The following RMI1 variants were observed in gnomAD, a reference collection of about 807,000 sequenced individuals.
The protein encoded by RMI1 is RecQ mediated genome instability 1.
Under a neutral mutation model 46.7 loss-of-function variants are expected in RMI1, and 36 were observed. The observed-to-expected ratio is 0.77, with a 90% CI of 0.59 to 1.02. RMI1 has a LOEUF of 1.02. Ranked by LOEUF, RMI1 falls within the 50% of genes least tolerant of loss-of-function variation. The pLI is 0.00. For missense variants in RMI1, 676 were observed against 713.7 expected (o/e 0.95, Z 0.60); for synonymous variants, 250 against 252.9 (o/e 0.99, Z 0.11).
chr9:84,001,203 A>C lies in RMI1; in HGVS notation c.217A>C (p.Ile73Leu). 6.2e-7 allele frequency: 1 copy of C among 1,614,148 alleles called. No individual in the cohort carries two copies. The highest frequency in any genetic ancestry group is 8.5e-7 in the Non-Finnish European group (1 of 1,179,988). ...DLEHPLLPDG[I>L]LEIPKGELNG... Reference sequence around the variant, plus strand: ...GGAGCATCCTCTTTTACCCGATGGCATTTTAGAAATTCCAAAAGGAGAATT... The same window carrying C: ...GGAGCATCCTCTTTTACCCGATGGCCTTTTAGAAATTCCAAAAGGAGAATT... Residue 73 changes from isoleucine (I) to leucine (L), a missense_variant, in exon 3 of 3, where the codon ATT becomes CTT. Transcript: ENST00000445877.
intron 1 of RMI1, among the ~76,000 whole-genome samples, chr9:83,995,602 A>G (rs1957639317): frequency 6.6e-6 from 1 of 151,518 alleles, no homozygotes; most frequent in South Asian, 2.1e-4. Context: ...TAATTTTTGT[A>G]TTTTTGGTAG....
intron 1 of RMI1, among the ~76,000 whole-genome samples, chr9:83,993,718 A>G (rs958328038): frequency 6.6e-6 from 1 of 151,922 alleles, no homozygotes; most frequent in African/African-American, 2.4e-5. Context: ...TTTGATTTGT[A>G]TTTCTTTTAT....
chr9:83,986,832 T>C (rs1957497430), intron 1 of RMI1, among the ~76,000 whole-genome samples: 1 of 152,260 alleles, frequency 6.6e-6, no homozygotes, highest in African/African-American at 2.4e-5. Flanking sequence ...ATCAGTCTTC[T>C]TTTCTTACTG....
Position 84,001,552 on chromosome 9 carries a change from T to C in RMI1, c.566T>C (p.Val189Ala), listed in dbSNP as rs1437248542. Residue 189 changes from valine to alanine, a missense_variant, in exon 3 of 3, where the codon GTG becomes GCG. By Grantham distance (64) the Val-to-Ala change is moderately conservative (BLOSUM62 0). Transcript: ENST00000445877. Reference sequence around the variant, plus strand: ...TTATTGAAACCAGAAAACGTGAAAGTGTTAGGAGGTGAAGTAGATGCTCTT... The same window carrying C: ...TTATTGAAACCAGAAAACGTGAAAGCGTTAGGAGGTGAAGTAGATGCTCTT... ...VLLLKPENVK[V>A]LGGEVDALLE... is the part of the protein sequence containing the mutation. The C allele has an allele frequency of 5.0e-6, 8 of 1,613,704 alleles. No homozygotes were observed. Among genetic ancestry groups the C allele is most frequent in the Non-Finnish European group, 6.8e-6 (8 of 1,179,970 alleles).
chr9:83,981,530 C>G (rs952411597), intron 1 of RMI1, among the ~76,000 whole-genome samples: 1 of 152,184 alleles, frequency 6.6e-6, no homozygotes, highest in African/African-American at 2.4e-5. Context: ...GCTTTCATGA[C>G]TTCCTTTGTT....
chr9:83,994,381 G>A (rs1957619629), intron 1 of RMI1, among the ~76,000 whole-genome samples: 1 of 152,112 alleles, frequency 6.6e-6, no homozygotes, highest in African/African-American at 2.4e-5. Flanking sequence ...CCATTTCAAT[G>A]TCATGAAGCT....
chr9:84,001,134 A>G lies in RMI1; in HGVS notation c.148A>G (p.Lys50Glu), dbSNP rs1377837414. Reference protein sequence around the residue: ...NVNLSQAQMNKQVFEQWLLTD... With the variant: ...NVNLSQAQMNEQVFEQWLLTD... ...TAACTTGAGTCAGGCCCAAATGAAT[A>G]AACAAGTGTTTGAGCAGTGGCTCCT... The change falls in exon 3 of 3, where the codon AAA becomes GAA. Residue 50 changes from lysine to glutamate, a missense_variant. By Grantham distance (56) the Lys-to-Glu change is moderately conservative. Transcript: ENST00000445877. The G allele has an allele frequency of 3.7e-6, 6 of 1,614,026 alleles. No homozygotes were observed. The East Asian group carries it at 1.1e-4, about 30-fold the overall frequency.
rs1957710989 is a variant in RMI1, at chr9:83,999,729, G to A, written c.-105G>A. 1 of 152,166 alleles carries A rather than the reference G, an allele frequency of 6.6e-6. No homozygotes were observed. The highest frequency in any genetic ancestry group is 1.5e-5 in the Non-Finnish European group (1 of 68,030). The allele number at this position is 152,166 out of a possible 1,614,324, so 9.4% of individuals were successfully genotyped here. ...CCCAGGGCCATTTCTGAGCAGTGGA[G>A]GTTTCAAGTAATCCACTAACAACCA... is the stretch of plus-strand genomic sequence containing the variant. On this transcript the variant is annotated 5_prime_UTR_variant, in exon 2 of 3. Coordinates refer to ENST00000445877, the MANE Select transcript of RMI1 (RefSeq NM_001358291.2).
In RMI1 at chr9:84,002,463, T is replaced by C. The variant is rs1194786614; in HGVS notation, c.1477T>C (p.Tyr493His). ...AMDLYSPPFVYLSVLMASKPK... is the reference protein window; with the variant it reads ...AMDLYSPPFVHLSVLMASKPK... ...GGATTTGTATTCTCCACCCTTTGTCTATTTGTCTGTTCTAATGGCCAGCAA... is the reference window on the plus strand; with the variant it reads ...GGATTTGTATTCTCCACCCTTTGTCCATTTGTCTGTTCTAATGGCCAGCAA... Residue 493 changes from tyrosine to histidine, a missense_variant, in exon 3 of 3, where the codon TAT becomes CAT. By Grantham distance (83) the Tyr-to-His change is moderately conservative. Coordinates refer to ENST00000445877, the MANE Select transcript of RMI1 (RefSeq NM_001358291.2). 1 of 1,613,984 alleles carries C rather than the reference T, an allele frequency of 6.2e-7. No individual in the cohort carries two copies.
At chr9:83,989,672 A>AT (rs1265172962) in intron 1 of RMI1, among the ~76,000 whole-genome samples, 3 of 148,138 alleles carry the variant, frequency 2.0e-5, no homozygotes, top group African/African-American at 7.9e-5. Flanking sequence ...AAAGACAAAA[A>AT]AAAAAATAAA....
intron 1 of RMI1, 23 bp from the exon 2 acceptor site, chr9:83,999,686 C>T (rs916773700): frequency 2.0e-5 from 3 of 152,180 alleles, no homozygotes; most frequent in Non-Finnish European, 4.4e-5. Context: ...ATAACTCTTA[C>T]TGCTTTTTGT....
At chr9:83,998,753 G>C (rs901945568) in intron 1 of RMI1, among the ~76,000 whole-genome samples, 7 of 152,082 alleles carry the variant, frequency 4.6e-5, no homozygotes, top group African/African-American at 1.7e-4. Flanking sequence ...TCTCAGGTAG[G>C]TATATATTAT....
Position 84,002,688 on chromosome 9 carries a change from C to G in RMI1, c.1702C>G (p.Pro568Ala). 6.2e-7 allele frequency: 1 copy of G among 1,613,796 alleles called. No homozygotes were observed. Among genetic ancestry groups the G allele is most frequent in the Non-Finnish European group, 8.5e-7 (1 of 1,179,892 alleles). Residue 568 changes from proline to alanine, a missense_variant, in exon 3 of 3, where the codon CCT (proline) becomes GCT (alanine). Pro to Ala is a conservative substitution (Grantham distance 27). Transcript: ENST00000445877. ...AGAAATGAAACAGTCAAAAAAGGAT[C>G]CTCTTCAATACCAAAAGTTCCTGGA... is the stretch of plus-strand genomic sequence containing the variant. ...VPEMKQSKKD[P>A]LQYQKFLEGL...
At chr9:83,998,035 G>T (rs1361322223) in intron 1 of RMI1, among the ~76,000 whole-genome samples, 1 of 152,028 alleles carries the variant, frequency 6.6e-6, no homozygotes, top group East Asian at 1.9e-4. Context: ...GGGCTCAAGT[G>T]ATCCTCCCAC....
chr9:83,986,923 T>C (rs1957499169), intron 1 of RMI1, among the ~76,000 whole-genome samples: 1 of 152,242 alleles, frequency 6.6e-6, no homozygotes, highest in South Asian at 2.1e-4. Context: ...ATGTCTGTCA[T>C]CACATTTTTA....
chr9:83,986,970 G>T (rs1957499819), intron 1 of RMI1, among the ~76,000 whole-genome samples: 1 of 152,166 alleles, frequency 6.6e-6, no homozygotes, highest in Admixed American at 6.5e-5. Context: ...CCATTTGCCA[G>T]CACTGTGTTA....
chr9:83,987,124 G>A (rs1957502555), intron 1 of RMI1, among the ~76,000 whole-genome samples: 1 of 152,136 alleles, frequency 6.6e-6, no homozygotes, highest in South Asian at 2.1e-4. Context: ...AGTGCAGTGG[G>A]AAACCCTTGG....
intron 1 of RMI1, among the ~76,000 whole-genome samples, chr9:83,985,735 G>A (rs1957479173): frequency 6.6e-6 from 1 of 152,194 alleles, no homozygotes; most frequent in South Asian, 2.1e-4. Flanking sequence ...ACGGCCGGGC[G>A]CGGTGGCTCA....
Position 84,002,181 on chromosome 9 carries a change from A to G in RMI1, c.1195A>G (p.Arg399Gly), listed in dbSNP as rs1469252333. 1 of 1,613,700 alleles carries G rather than the reference A, an allele frequency of 6.2e-7. No homozygotes were observed. The highest frequency in any genetic ancestry group is 1.3e-5 in the African/African-American group (1 of 75,052). ...TTGTCCATCTGTTAGAGACCAAAAC[A>G]GGAGTATTTTTTCAGTTCATTGTAA... is the stretch of plus-strand genomic sequence containing the variant. ...FGCPSVRDQN[R>G]SIFSVHCNVP... Residue 399 changes from arginine (R) to glycine (G), a missense_variant, in exon 3 of 3, where the codon AGG becomes GGG. Arg to Gly is a moderately radical substitution (Grantham distance 125). Coordinates refer to ENST00000445877, the MANE Select transcript of RMI1 (RefSeq NM_001358291.2).
Sources: gnomAD v4.1 joint callset for allele counts (sites outside exome capture counted in the v4.1 genomes callset) on GRCh38, gnomAD v4.1.1 for gene constraint, MANE v1.5 for transcripts, NCBI Gene and HGNC (gene_info 2026-07-23, HGNC 2026-07-21) for gene names.